The following TUBB variants were observed in gnomAD, a reference collection of about 807,000 sequenced individuals.
The protein encoded by TUBB is tubulin beta chain.
In TUBB, 2 loss-of-function variants were observed where a neutral mutation model predicts 35.1. The ratio of observed to expected loss-of-function variants is 0.06; its 90% CI spans 0.02 to 0.18. The LOEUF (loss-of-function observed/expected upper bound fraction) is 0.18. TUBB is among the 10% of genes least tolerant of loss of function. The probability of loss-of-function intolerance (pLI) is 1.00; values close to 1 mark genes in which losing one functional copy is unlikely to be tolerated. For missense variants in TUBB, 50 were observed against 599.4 expected (o/e 0.08, Z 9.57); for synonymous variants, 205 against 223.8 (o/e 0.92, Z 0.75).
intron 1 of TUBB, chr6:30,721,659 CCG>C (rs2127745953): frequency 1.0e-6 from 1 of 985,450 alleles, no homozygotes; most frequent in South Asian, 4.7e-5. Context: ...CTTTTGTGCG[CCG>C]CGCGGTGGGG....
rs1554201870 is a variant in TUBB at position 30,722,489 on chromosome 6, G to A, written c.58-48G>A. 21 of 1,295,324 alleles carry A rather than the reference G, an allele frequency of 1.6e-5. No homozygotes were observed. In the East Asian group the frequency reaches 4.9e-4, roughly 30 times the overall value. 80.2% of individuals were successfully genotyped at this position (1,295,324 alleles called of 1,614,324 possible). A position where few individuals can be genotyped will look rare whatever the true frequency, so the allele number is the denominator to read the frequency against. ...AAATAAAATGGTAGTTGGGGACATA[G>A]TTGGCTGGGACTTGACCTGTTGTGG... On this transcript the variant is annotated intron_variant, in intron 1 of 3. Transcript: ENST00000327892.
intron 1 of TUBB, among the ~76,000 whole-genome samples, chr6:30,721,390 G>T (rs1356680909): frequency 6.6e-6 from 1 of 151,062 alleles, no homozygotes; most frequent in Non-Finnish European, 1.5e-5. Flanking sequence ...AGGAAGTGCG[G>T]CTGCTACGTT....
Position 30,723,449 on chromosome 6 carries a change from C to T in TUBB, c.387C>T (p.Cys129=), listed in dbSNP as rs762437305. 2 of 1,614,202 alleles carry T rather than the reference C, an allele frequency of 1.2e-6. No homozygotes were observed. The highest frequency in any genetic ancestry group is 2.2e-5 in the East Asian group (1 of 44,892). Residue 129 remains cysteine, a synonymous_variant, in exon 4 of 4, where the codon TGC becomes TGT. Transcript: ENST00000327892. The stretch of plus-strand genomic sequence containing the variant: ...GGAAGGAGGCAGAGAGCTGTGACTG[C>T]CTGCAGGGCTTCCAGCTGACCCACT... ...VVRKEAESCD[C]LQGFQLTHSL... is the part of the protein sequence containing the mutation.
intron 3 of TUBB, 150 bp from the exon 4 acceptor site, chr6:30,723,190 T>G: frequency 2.2e-6 from 2 of 894,000 alleles, no homozygotes; most frequent in South Asian, 3.4e-5. Flanking sequence ...CTACTATTGC[T>G]GGTAAATTAT....
chr6:30,720,678 C>T, intron 1 of TUBB, 115 bp downstream of exon 1: 1 of 882,600 alleles, frequency 1.1e-6, no homozygotes, highest in East Asian at 2.6e-5. Context: ...TTGCCCCTCT[C>T]AAGTTTGTTA....
In TUBB at chr6:30,722,662, G is replaced by A. The variant is rs777220482; in HGVS notation, c.166+17G>A. 18 of 1,600,034 alleles carry A rather than the reference G, an allele frequency of 1.1e-5. No homozygotes were observed. The African/African-American group carries it at 2.3e-4, about 20-fold the overall frequency. On this transcript the variant is annotated intron_variant, in intron 2 of 3. Coordinates refer to ENST00000327892, the MANE Select transcript of TUBB (RefSeq NM_178014.4). ...AAGCCACAGGTAAGGGCAGGAGCCC[G>A]GGCAGCTCAGGTTCCCTTCCCTGTC...
Position 30,722,675 on chromosome 6 carries a change from T to C in TUBB, c.166+30T>C, listed in dbSNP as rs764326215. The C allele has an allele frequency of 2.5e-6, 4 of 1,569,334 alleles. No individual in the cohort carries two copies. The East Asian group carries it at 6.7e-5, about 26-fold the overall frequency. On this transcript the variant is annotated intron_variant, in intron 2 of 3. Coordinates refer to ENST00000327892, the MANE Select transcript of TUBB (RefSeq NM_178014.4). Reference sequence around the variant, plus strand: ...GGGCAGGAGCCCGGGCAGCTCAGGTTCCCTTCCCTGTCTCCCACTTATCTG... The same window carrying C: ...GGGCAGGAGCCCGGGCAGCTCAGGTCCCCTTCCCTGTCTCCCACTTATCTG...
chr6:30,721,556 T>G (rs968620089), intron 1 of TUBB: 1 of 985,028 alleles, frequency 1.0e-6, no homozygotes, highest in South Asian at 4.7e-5. Context: ...CGAAGTCTTT[T>G]GTCGGCGGCT....
In TUBB at chr6:30,722,345, A is replaced by G. The variant is rs573037687; in HGVS notation, c.58-192A>G. ...ATAGTCCCAGCTACTCCGGGGGCTG[A>G]GGCAGGAGAATCGCTTGAACCCGGG... On this transcript the variant is annotated intron_variant, in intron 1 of 3. Coordinates refer to ENST00000327892, the MANE Select transcript of TUBB (RefSeq NM_178014.4). The G allele has an allele frequency of 1.9e-5, 11 of 572,888 alleles. 1 individual carries two copies. The Admixed American group carries it at 3.3e-4, about 17-fold the overall frequency. The allele number at this position is 572,888 out of a possible 1,614,324, so 35.5% of individuals were successfully genotyped here.
intron 2 of TUBB, 113 bp from the exon 3 acceptor site, chr6:30,722,805 G>T: frequency 8.7e-7 from 1 of 1,147,242 alleles, no homozygotes; most frequent in South Asian, 1.4e-5. Flanking sequence ...GCTGCCACCT[G>T]GTGGCGGGAC....
intron 1 of TUBB, 85 bp downstream of exon 1, chr6:30,720,648 C>T: frequency 1.6e-6 from 2 of 1,220,550 alleles, no homozygotes; most frequent in Non-Finnish European, 2.4e-6. Context: ...GCATTTGCAC[C>T]CGCTATCCTT....
chr6:30,724,578 A>G lies in TUBB; in HGVS notation c.*181A>G. ...CGCTCAATAAATACTTGTTTGTTGAATGTCTCCTCTCTCTTTCCACTCTGG... is the reference window on the plus strand; with the variant it reads ...CGCTCAATAAATACTTGTTTGTTGAGTGTCTCCTCTCTCTTTCCACTCTGG... On this transcript the variant is annotated 3_prime_UTR_variant, in exon 4 of 4. Transcript: ENST00000327892. The surrounding 1 kb of genome is among the most constrained non-coding windows in gnomAD (Gnocchi z 4.4). 3.4e-6 allele frequency: 2 copies of G among 580,968 alleles called. No individual in the cohort carries two copies. The highest frequency in any genetic ancestry group is 5.9e-6 in the Non-Finnish European group (2 of 336,304). 36.0% of individuals were successfully genotyped at this position (580,968 alleles called of 1,614,324 possible).
intron 1 of TUBB, among the ~76,000 whole-genome samples, chr6:30,720,987 G>A (rs985070698): frequency 1.3e-5 from 2 of 152,256 alleles, no homozygotes; most frequent in Non-Finnish European, 2.9e-5. Context: ...TGAGGCCATC[G>A]GGCGGCTGCA....
chr6:30,722,379 G>C, intron 1 of TUBB, 158 bp from the exon 2 acceptor site: 1 of 609,664 alleles, frequency 1.6e-6, no homozygotes, highest in South Asian at 2.0e-5. Flanking sequence ...GGAAGCAGAG[G>C]TTGCAGTGAG....
intron 2 of TUBB, 32 bp from the exon 3 acceptor site, chr6:30,722,886 G>C: frequency 1.9e-6 from 3 of 1,570,678 alleles, no homozygotes; most frequent in Admixed American, 1.7e-5. Flanking sequence ...CCTTCTGCCA[G>C]ATTTCACAGC....
At position 30,722,661 on chromosome 6, in the gene TUBB, C is replaced by T; in HGVS notation, c.166+16C>T. ...GAAGCCACAGGTAAGGGCAGGAGCC[C>T]GGGCAGCTCAGGTTCCCTTCCCTGT... is the stretch of plus-strand genomic sequence containing the variant. On this transcript the variant is annotated intron_variant, in intron 2 of 3. Transcript: ENST00000327892. 2 of 1,605,508 alleles carry T rather than the reference C, an allele frequency of 1.2e-6. No individual in the cohort carries two copies. The highest frequency in any genetic ancestry group is 1.1e-5 in the South Asian group (1 of 90,788).
At chr6:30,722,347 G>A (rs992251757) in intron 1 of TUBB, 190 bp from the exon 2 acceptor site, 15 of 574,446 alleles carry the variant, frequency 2.6e-5, no homozygotes, top group African/African-American at 2.3e-4. Flanking sequence ...GGGGGCTGAG[G>A]CAGGAGAATC....
intron 1 of TUBB, among the ~76,000 whole-genome samples, chr6:30,721,121 C>A (rs1776197184): frequency 6.6e-6 from 1 of 152,176 alleles, no homozygotes; most frequent in Non-Finnish European, 1.5e-5. Flanking sequence ...TGTATTTGTT[C>A]CTGGGTGGAA....
At chr6:30,721,492 C>T in intron 1 of TUBB, 1 of 958,718 alleles carries the variant, frequency 1.0e-6, no homozygotes, top group Non-Finnish European at 1.2e-6. Flanking sequence ...GGGCGCGCTA[C>T]CTTGGGCCCC....
Sources: gnomAD v4.1 joint callset for allele counts (sites outside exome capture counted in the v4.1 genomes callset) on GRCh38, gnomAD v4.1.1 for gene constraint, Gnocchi (gnomAD v3.1) non-coding constraint, MANE v1.5 for transcripts, NCBI Gene and HGNC (gene_info 2026-07-23, HGNC 2026-07-21) for gene names.